The following DOCK2 variants were observed in gnomAD, a reference collection of about 807,000 sequenced individuals.
The protein encoded by DOCK2 is dedicator of cytokinesis 2.
Under a neutral mutation model 248.9 loss-of-function variants are expected in DOCK2, and 87 were observed. The ratio of observed to expected loss-of-function variants is 0.35; its 90% CI spans 0.29 to 0.42. The LOEUF (loss-of-function observed/expected upper bound fraction) is 0.42. Among genes scored for constraint, DOCK2 ranks in the 10% least tolerant of loss-of-function variants. The probability of loss-of-function intolerance (pLI) is 1.00; values close to 1 mark genes in which losing one functional copy is unlikely to be tolerated. For missense variants in DOCK2, 1,747 were observed against 2,300.2 expected (o/e 0.76, Z 4.92); for synonymous variants, 805 against 821.6 (o/e 0.98, Z 0.35).
At chr5:169,761,680 C>A in intron 25 of DOCK2, 55 bp downstream of exon 25, 1 of 1,487,922 alleles carries the variant, frequency 6.7e-7, no homozygotes, top group Non-Finnish European at 9.3e-7. Context: ...AACCCCACAT[C>A]ATTTTGGGGA....
chr5:170,029,861 C>A (rs1356293525), intron 34 of DOCK2, among the ~76,000 whole-genome samples: 1 of 152,222 alleles, frequency 6.6e-6, no homozygotes, highest in Non-Finnish European at 1.5e-5. Flanking sequence ...CCTGCCCAAG[C>A]AGGCAGAGCC....
chr5:169,641,044 G>A (rs761768922), intron 1 of DOCK2, among the ~76,000 whole-genome samples: 7 of 152,202 alleles, frequency 4.6e-5, no homozygotes, highest in Admixed American at 6.5e-5. Flanking sequence ...GCATTCCTTG[G>A]CTTACAAAAG....
At chr5:169,888,260 A>T (rs1218968276) in intron 27 of DOCK2, among the ~76,000 whole-genome samples, 5 of 152,170 alleles carry the variant, frequency 3.3e-5, no homozygotes, top group African/African-American at 1.2e-4. Context: ...CTTAAGTCTT[A>T]TGGGCTCCCA....
chr5:169,899,126 T>C (rs1289252525), intron 27 of DOCK2, among the ~76,000 whole-genome samples: 2 of 152,208 alleles, frequency 1.3e-5, no homozygotes, highest in African/African-American at 2.4e-5. Context: ...AGAAGAGATA[T>C]TAGACATGGT....
At chr5:169,832,781 G>T (rs1339050815) in intron 26 of DOCK2, among the ~76,000 whole-genome samples, 1 of 152,092 alleles carries the variant, frequency 6.6e-6, no homozygotes, top group African/African-American at 2.4e-5. Context: ...ATAGAACACA[G>T]AATGGACAAA....
At chr5:169,649,070 C>T (rs759728231) in intron 1 of DOCK2, among the ~76,000 whole-genome samples, 15 of 152,234 alleles carry the variant, frequency 9.9e-5, no homozygotes, top group Non-Finnish European at 2.1e-4. Flanking sequence ...TTACGCATTT[C>T]GATGAGCGCA....
chr5:169,959,216 C>A lies in DOCK2; in HGVS notation c.2800-23852C>A, dbSNP rs60222680. ...GACCATCCTGGCTAACATGGTGAAA[C>A]CCTGTCTGTACTAAAAATACAAAAA... On this transcript the variant is annotated intron_variant, in intron 27 of 51. Transcript: ENST00000520908. Among the ~76,000 whole-genome samples the A allele has an allele frequency of 1.6e-3, 241 of 152,040 alleles. 2 individuals carry two copies. Among genetic ancestry groups the A allele is most frequent in the African/African-American group, 5.6e-3 (231 of 41,468 alleles).
Position 169,761,577 on chromosome 5 carries a change from G to A in DOCK2, c.2506G>A (p.Val836Ile). The change falls in exon 25 of 52, where the codon GTA becomes ATA. Residue 836 changes from valine (V) to isoleucine (I), a missense_variant. Val to Ile is a conservative substitution (Grantham distance 29). Coordinates refer to ENST00000520908, the MANE Select transcript of DOCK2 (RefSeq NM_004946.3). Reference sequence around the variant, plus strand: ...TCCTGTGAAACTCCAGAAGCAGAAAGTACAGTCTATGAATGAGATAGTCCA... The same window carrying A: ...TCCTGTGAAACTCCAGAAGCAGAAAATACAGTCTATGAATGAGATAGTCCA... ...IPPVKLQKQK[V>I]QSMNEIVQSN... is the part of the protein sequence containing the mutation. 3 of 1,614,120 alleles carry A rather than the reference G, an allele frequency of 1.9e-6. No homozygotes were observed. The South Asian group carries it at 3.3e-5, about 18-fold the overall frequency.
At chr5:169,887,769 C>T (rs2113526652) in intron 27 of DOCK2, among the ~76,000 whole-genome samples, 1 of 152,246 alleles carries the variant, frequency 6.6e-6, no homozygotes, top group Admixed American at 6.5e-5. Flanking sequence ...GTCAAAGTAG[C>T]TGTGCATTTT....
intron 21 of DOCK2, 40 bp from the exon 22 acceptor site, chr5:169,718,617 A>G (rs926122069): frequency 3.1e-6 from 5 of 1,596,246 alleles, no homozygotes; most frequent in Non-Finnish European, 4.3e-6. Flanking sequence ...AATTACCATG[A>G]TGAAAGAGAT....
intron 27 of DOCK2, among the ~76,000 whole-genome samples, chr5:169,867,042 T>G (rs1415501150): frequency 1.3e-5 from 2 of 152,216 alleles, no homozygotes; most frequent in Non-Finnish European, 2.9e-5. Flanking sequence ...CCAAAACCCC[T>G]TCTTTGGGTT....
chr5:169,759,435 A>G (rs1168439306), intron 23 of DOCK2, among the ~76,000 whole-genome samples: 3 of 152,266 alleles, frequency 2.0e-5, no homozygotes, highest in African/African-American at 7.2e-5. Flanking sequence ...GTGTGGAAAC[A>G]GAATTTGCAG....
chr5:170,014,542 T>C (rs1263846593), intron 32 of DOCK2, among the ~76,000 whole-genome samples: 1 of 151,194 alleles, frequency 6.6e-6, no homozygotes, highest in Non-Finnish European at 1.5e-5. Context: ...CTAGCCACAT[T>C]TCAAGGGCTC....
intron 27 of DOCK2, among the ~76,000 whole-genome samples, chr5:169,895,996 G>C (rs1385498299): frequency 6.6e-6 from 1 of 152,164 alleles, no homozygotes; most frequent in African/African-American, 2.4e-5. Flanking sequence ...TGAATGCTAT[G>C]ATCTCAAGCC....
intron 27 of DOCK2, among the ~76,000 whole-genome samples, chr5:169,966,315 C>T (rs1271412882): frequency 6.6e-6 from 1 of 152,124 alleles, no homozygotes; most frequent in East Asian, 1.9e-4. Flanking sequence ...GAGGAAATGG[C>T]ATGACTCAGA....
intron 5 of DOCK2, among the ~76,000 whole-genome samples, chr5:169,673,275 G>T (rs116274797): frequency 6.6e-6 from 1 of 151,864 alleles, no homozygotes; most frequent in East Asian, 1.9e-4. Context: ...ATAAACTCAG[G>T]TATCATTGAA....
chr5:169,777,345 C>G (rs1581173818), intron 25 of DOCK2, among the ~76,000 whole-genome samples: 1 of 152,146 alleles, frequency 6.6e-6, no homozygotes, highest in Admixed American at 6.5e-5. Context: ...TGTGGACGTT[C>G]CCTGCAATAC....
intron 25 of DOCK2, among the ~76,000 whole-genome samples, chr5:169,767,142 G>A (rs1764842399): frequency 6.6e-6 from 1 of 152,224 alleles, no homozygotes; most frequent in African/African-American, 2.4e-5. Context: ...CTAATGACTA[G>A]TGATGCTGAG....
chr5:169,639,486 T>A, intron 1 of DOCK2, among the ~76,000 whole-genome samples: 1 of 152,136 alleles, frequency 6.6e-6, no homozygotes, highest in South Asian at 2.1e-4. Flanking sequence ...TCAGAAATGG[T>A]CTGGGAAGAG....
Sources: allele counts gnomAD v4.1 joint callset (sites outside exome capture counted in the v4.1 genomes callset), GRCh38; gene constraint gnomAD v4.1.1; transcripts MANE v1.5; gene names NCBI Gene and HGNC (gene_info 2026-07-23, HGNC 2026-07-21).